The following NALF1 variants were observed in gnomAD, a reference collection of about 807,000 sequenced individuals.
NALF1 encodes family with sequence similarity 155 member A.
In NALF1, 3 loss-of-function variants were observed where a neutral mutation model predicts 48.4. The ratio of observed to expected loss-of-function variants is 0.06; its 90% confidence interval spans 0.03 to 0.16. The LOEUF (loss-of-function observed/expected upper bound fraction) is 0.16, where lower values mean the gene tolerates loss of function less well. Among genes scored for constraint, NALF1 ranks in the 10% least tolerant of loss-of-function variants. The pLI, the probability that NALF1 is intolerant of heterozygous loss-of-function variation, is 1.00. For synonymous variants in NALF1, 262 were observed against 245.7 expected (o/e 1.07, Z -0.62); for missense variants, 526 against 571.5 (o/e 0.92, Z 0.81).
At chr13:107,569,399 G>A (rs1877915793) in intron 1 of NALF1, among the ~76,000 whole-genome samples, 1 of 152,066 alleles carries the variant, frequency 6.6e-6, no homozygotes, top group African/African-American at 2.4e-5. Context: ...GTGAACCCGG[G>A]GGGCGGAGCT....
intron 1 of NALF1, among the ~76,000 whole-genome samples, chr13:107,360,525 A>G (rs1013628651): frequency 6.6e-6 from 1 of 152,174 alleles, no homozygotes; most frequent in Non-Finnish European, 1.5e-5. Context: ...AGAAAATAGA[A>G]TAATAAATGA....
intron 1 of NALF1, among the ~76,000 whole-genome samples, chr13:107,847,545 C>T (rs1025112863): frequency 6.6e-6 from 1 of 152,178 alleles, no homozygotes; most frequent in Non-Finnish European, 1.5e-5. Flanking sequence ...TACTGAGAAA[C>T]ATTCCCCCTT....
intron 1 of NALF1, among the ~76,000 whole-genome samples, chr13:107,254,020 T>C (rs1290476695): frequency 1.4e-5 from 2 of 146,920 alleles, no homozygotes; most frequent in East Asian, 4.0e-4. Flanking sequence ...AGTGACAAAG[T>C]AGTTCTCTTT....
intron 1 of NALF1, among the ~76,000 whole-genome samples, chr13:107,701,132 G>A (rs892308677): frequency 2.0e-5 from 3 of 152,072 alleles, no homozygotes; most frequent in Non-Finnish European, 4.4e-5. Flanking sequence ...CCCTCTTTGG[G>A]GTGCATACCC....
chr13:107,455,526 T>C lies in NALF1; in HGVS notation c.916-244771A>G, dbSNP rs1884810191. Reference sequence around the variant, plus strand: ...ACCTGTTTGTTACAGCTGATGAACCTGCACTGAGACATCATCATCACCCAG... The same window carrying C: ...ACCTGTTTGTTACAGCTGATGAACCCGCACTGAGACATCATCATCACCCAG... On this transcript the variant is annotated intron_variant, in intron 1 of 2. Transcript: ENST00000375915. 2.6e-5 allele frequency among the ~76,000 whole-genome samples: 4 copies of C among 152,192 alleles called. No homozygotes were observed. The South Asian group carries it at 8.3e-4, about 32-fold the overall frequency.
At chr13:107,776,994 AG>A (rs939961272) in intron 1 of NALF1, among the ~76,000 whole-genome samples, 1 of 151,872 alleles carries the variant, frequency 6.6e-6, no homozygotes, top group East Asian at 1.9e-4. Flanking sequence ...TGGGAGACTG[AG>A]GGGGGGAAGA....
intron 1 of NALF1, among the ~76,000 whole-genome samples, chr13:107,553,496 G>A (rs977134620): frequency 1.3e-5 from 2 of 152,026 alleles, no homozygotes; most frequent in African/African-American, 4.8e-5. Context: ...TTTTATCTTC[G>A]AATAAAACCC....
intron 1 of NALF1, among the ~76,000 whole-genome samples, chr13:107,245,756 T>A (rs1880569369): frequency 6.6e-6 from 1 of 151,868 alleles, no homozygotes; most frequent in Non-Finnish European, 1.5e-5. Context: ...AGGGATTTCT[T>A]TTTTTTTATA....
chr13:107,488,808 C>G (rs552822217), intron 1 of NALF1, among the ~76,000 whole-genome samples: 51 of 152,240 alleles, frequency 3.3e-4, no homozygotes, highest in African/African-American at 9.4e-4. Flanking sequence ...AAGGGGCATT[C>G]AAACAGGAAG....
intron 1 of NALF1, among the ~76,000 whole-genome samples, chr13:107,865,423 A>G (rs1316437089): frequency 6.6e-6 from 1 of 152,166 alleles, no homozygotes; most frequent in Non-Finnish European, 1.5e-5. Flanking sequence ...AGAAACAGTT[A>G]AAGTGCCAGC....
At chr13:107,356,453 C>T (rs773776123) in intron 1 of NALF1, among the ~76,000 whole-genome samples, 4 of 152,108 alleles carry the variant, frequency 2.6e-5, no homozygotes, top group Non-Finnish European at 1.5e-5. Context: ...TACTATATAA[C>T]ACCAAAGAAA....
At chr13:107,377,961 T>G (rs1301794401) in intron 1 of NALF1, among the ~76,000 whole-genome samples, 1 of 151,060 alleles carries the variant, frequency 6.6e-6, no homozygotes, top group Non-Finnish European at 1.5e-5. Flanking sequence ...TCTCAAAGCA[T>G]CCTTTGTTTT....
At chr13:107,576,638 G>A (rs1878157587) in intron 1 of NALF1, among the ~76,000 whole-genome samples, 1 of 152,274 alleles carries the variant, frequency 6.6e-6, no homozygotes, top group South Asian at 2.1e-4. Flanking sequence ...TAATTTTCTA[G>A]GTGACTCAGG....
At chr13:107,733,697 G>A (rs1876381189) in intron 1 of NALF1, among the ~76,000 whole-genome samples, 1 of 152,024 alleles carries the variant, frequency 6.6e-6, no homozygotes, top group Non-Finnish European at 1.5e-5. Context: ...GAACTAGTAG[G>A]AATATCTCAT....
At chr13:107,367,863 A>G (rs189610350) in intron 1 of NALF1, among the ~76,000 whole-genome samples, 37 of 152,300 alleles carry the variant, frequency 2.4e-4, no homozygotes, top group African/African-American at 7.9e-4. Context: ...TACTGTACTA[A>G]AAAGAAACAT....
intron 2 of NALF1, among the ~76,000 whole-genome samples, chr13:107,184,529 G>A (rs1320901586): frequency 6.6e-6 from 1 of 152,128 alleles, no homozygotes; most frequent in African/African-American, 2.4e-5. Flanking sequence ...CCCTATGATT[G>A]AAACTGTATG....
At chr13:107,463,043 T>A (rs1270850807) in intron 1 of NALF1, among the ~76,000 whole-genome samples, 1 of 152,266 alleles carries the variant, frequency 6.6e-6, no homozygotes, top group Admixed American at 6.5e-5. Flanking sequence ...AAAGCAGAGA[T>A]AGTTCCGACG....
intron 2 of NALF1, among the ~76,000 whole-genome samples, chr13:107,199,340 C>T (rs181446799): frequency 3.3e-5 from 5 of 152,194 alleles, no homozygotes; most frequent in East Asian, 3.9e-4. Flanking sequence ...TTCAGAAGGG[C>T]GAGAAAATTC....
chr13:107,794,914 C>T (rs1878369129), intron 1 of NALF1, among the ~76,000 whole-genome samples: 1 of 152,046 alleles, frequency 6.6e-6, no homozygotes, highest in Non-Finnish European at 1.5e-5. Flanking sequence ...ACAAGTTCTT[C>T]TAACATTGAA....
Sources: allele counts gnomAD v4.1 joint callset (sites outside exome capture counted in the v4.1 genomes callset), GRCh38; gene constraint gnomAD v4.1.1; transcripts MANE v1.5; gene names NCBI Gene and HGNC (gene_info 2026-07-23, HGNC 2026-07-21).